NDUFS4: variants seen among roughly 807,000 people sequenced by gnomAD.
NDUFS4 encodes the protein NADH:ubiquinone oxidoreductase subunit S4.
Under a neutral mutation model 24.3 loss-of-function variants are expected in NDUFS4, and 28 were observed. The ratio of observed to expected loss-of-function variants is 1.15; its 90% confidence interval spans 0.85 to 1.58. NDUFS4 has a LOEUF of 1.58. Ranked by LOEUF, NDUFS4 falls within the 40% of genes most tolerant of loss-of-function variation. The pLI is 0.00. For missense variants in NDUFS4, 223 were observed against 207.9 expected, an observed-to-expected ratio of 1.07 and a Z score of -0.45; for synonymous variants, 93 against 69.7, an observed-to-expected ratio of 1.34 and a Z score of -1.67.
intron 1 of NDUFS4, among the ~76,000 whole-genome samples, chr5:53,570,730 C>G (rs1176203372): frequency 1.4e-5 from 2 of 139,640 alleles, no homozygotes; most frequent in Non-Finnish European, 3.0e-5. Flanking sequence ...GTCACCCAGG[C>G]TGGAGTGCAG....
chr5:53,632,379 T>C (rs1354455336), intron 2 of NDUFS4, among the ~76,000 whole-genome samples: 1 of 152,206 alleles, frequency 6.6e-6, no homozygotes, highest in East Asian at 1.9e-4. Context: ...ACCTTTCTTG[T>C]GTCTCAATTT....
intron 4 of NDUFS4, among the ~76,000 whole-genome samples, chr5:53,666,583 G>A (rs1298586291): frequency 6.6e-6 from 1 of 152,142 alleles, no homozygotes; most frequent in African/African-American, 2.4e-5. Flanking sequence ...CTAGCACCTA[G>A]CACAAAACCT....
At chr5:53,633,524 A>G (rs1002173405) in intron 2 of NDUFS4, among the ~76,000 whole-genome samples, 21 of 152,164 alleles carry the variant, frequency 1.4e-4, no homozygotes, top group Non-Finnish European at 2.6e-4. Context: ...CCTTTATCCT[A>G]TCATATTTCT....
At chr5:53,602,610 G>C (rs539746786) in intron 1 of NDUFS4, among the ~76,000 whole-genome samples, 1 of 152,016 alleles carries the variant, frequency 6.6e-6, no homozygotes, top group Non-Finnish European at 1.5e-5. Context: ...CTATGGTAGT[G>C]AATATATTGT....
At chr5:53,577,043 C>CGAG (rs901751103) in intron 1 of NDUFS4, among the ~76,000 whole-genome samples, 43 of 152,002 alleles carry the variant, frequency 2.8e-4, no homozygotes, top group African/African-American at 9.9e-4. Context: ...TGAGTAGAGT[C>CGAG]TGAGACAAAG....
intron 1 of NDUFS4, 85 bp downstream of exon 1, chr5:53,560,845 C>T (rs1166379592): frequency 1.2e-6 from 2 of 1,600,568 alleles, no homozygotes; most frequent in South Asian, 1.1e-5. Context: ...CCGGAGGAGG[C>T]CTCGGGGAAG....
intron 2 of NDUFS4, among the ~76,000 whole-genome samples, chr5:53,626,369 G>A (rs990516183): frequency 2.0e-5 from 3 of 152,144 alleles, no homozygotes. Flanking sequence ...CTTTATAGTA[G>A]AATGATTTAT....
chr5:53,653,401 T>C lies in NDUFS4; in HGVS notation c.351-5150T>C, dbSNP rs527998711. On this transcript the variant is annotated intron_variant, in intron 3 of 4. Transcript: ENST00000296684. ...AAACAGAAGCATTGCCTGTATCATC[T>C]TTCCCCTTTACACTGTTCTAACACA... Among the ~76,000 whole-genome samples the C allele has an allele frequency of 6.6e-5, 10 of 152,318 alleles. No individual in the cohort carries two copies. In the South Asian group the frequency reaches 2.1e-3, roughly 32 times the overall value.
chr5:53,606,441 C>T (rs1391232092), intron 2 of NDUFS4, among the ~76,000 whole-genome samples: 2 of 151,982 alleles, frequency 1.3e-5, no homozygotes, highest in Non-Finnish European at 2.9e-5. Context: ...GATCTCGGCT[C>T]ACTGCTACCT....
intron 1 of NDUFS4, among the ~76,000 whole-genome samples, chr5:53,572,970 G>A (rs10461564): frequency 1.8e-5 from 2 of 111,204 alleles, no homozygotes; most frequent in Non-Finnish European, 3.8e-5. Context: ...TTTTTTTTTT[G>A]TTTTTTTTTT....
intron 1 of NDUFS4, among the ~76,000 whole-genome samples, chr5:53,600,685 G>A (rs574020579): frequency 1.3e-5 from 2 of 152,148 alleles, no homozygotes; most frequent in East Asian, 1.9e-4. Context: ...GTCCAGAATT[G>A]GAGAAAAACT....
intron 3 of NDUFS4, among the ~76,000 whole-genome samples, chr5:53,649,977 C>G (rs976312854): frequency 6.6e-6 from 1 of 152,008 alleles, no homozygotes; most frequent in Non-Finnish European, 1.5e-5. Flanking sequence ...TTGTGTTATC[C>G]TTTTTATTTT....
chr5:53,657,247 G>A (rs1056066051), intron 3 of NDUFS4, among the ~76,000 whole-genome samples: 5 of 152,010 alleles, frequency 3.3e-5, no homozygotes, highest in African/African-American at 7.2e-5. Flanking sequence ...AATCGTGTGC[G>A]CTTTGAAAAG....
intron 2 of NDUFS4, among the ~76,000 whole-genome samples, chr5:53,636,401 T>G (rs1751551991): frequency 6.6e-6 from 1 of 152,224 alleles, no homozygotes; most frequent in Admixed American, 6.5e-5. Flanking sequence ...ATTGGAAACA[T>G]TAGTTTGGAG....
intron 4 of NDUFS4, among the ~76,000 whole-genome samples, chr5:53,675,129 T>A (rs935279957): frequency 2.6e-5 from 4 of 151,482 alleles, no homozygotes; most frequent in Non-Finnish European, 5.9e-5. Context: ...CACTTACTTT[T>A]CTCTATAAGC....
chr5:53,579,665 A>G (rs534135410), intron 1 of NDUFS4, among the ~76,000 whole-genome samples: 1 of 152,194 alleles, frequency 6.6e-6, no homozygotes, highest in Non-Finnish European at 1.5e-5. Flanking sequence ...TCAGTGAGCT[A>G]TGATTGCGCC....
chr5:53,567,365 G>GCTCT (rs1749062442), intron 1 of NDUFS4, among the ~76,000 whole-genome samples: 1 of 152,162 alleles, frequency 6.6e-6, no homozygotes, highest in Admixed American at 6.5e-5. Flanking sequence ...ACCATGGAAT[G>GCTCT]CTCTTATCTT....
intron 2 of NDUFS4, among the ~76,000 whole-genome samples, chr5:53,627,543 C>T (rs989517756): frequency 6.6e-6 from 1 of 151,978 alleles, no homozygotes; most frequent in Admixed American, 6.6e-5. Context: ...TGTTCGTGTC[C>T]TCTTTTATTT....
chr5:53,624,040 G>C (rs920008369), intron 2 of NDUFS4, among the ~76,000 whole-genome samples: 2 of 152,106 alleles, frequency 1.3e-5, no homozygotes, highest in Non-Finnish European at 2.9e-5. Flanking sequence ...TTAGTTAACT[G>C]TTGTATATGG....
Sources: gnomAD v4.1 joint callset for allele counts (sites outside exome capture counted in the v4.1 genomes callset) on GRCh38, gnomAD v4.1.1 for gene constraint, MANE v1.5 for transcripts, NCBI Gene and HGNC (gene_info 2026-07-23, HGNC 2026-07-21) for gene names.